Variants in TMEM9 observed in about 807,000 individuals in gnomAD.
TMEM9 encodes the protein transmembrane protein 9.
A neutral mutation model predicts 22.8 loss-of-function variants in TMEM9; 13 were observed. The ratio of observed to expected loss-of-function variants is 0.57; its 90% CI spans 0.37 to 0.91. TMEM9 has a LOEUF of 0.91. TMEM9 is among the 40% of genes least tolerant of loss of function. The pLI, the probability that TMEM9 is intolerant of heterozygous loss-of-function variation, is 0.01. For synonymous variants in TMEM9, 88 were observed against 93.0 expected (o/e 0.95, Z 0.31); for missense variants, 182 against 238.1 (o/e 0.76, Z 1.55).
intron 1 of TMEM9, among the ~76,000 whole-genome samples, chr1:201,171,254 G>T (rs866716521): frequency 6.6e-6 from 1 of 152,248 alleles, no homozygotes; most frequent in African/African-American, 2.4e-5. Context: ...CCTGCCGGAC[G>T]GCGGGCTAAA....
chr1:201,168,610 T>C (rs187225363), intron 1 of TMEM9, among the ~76,000 whole-genome samples: 1 of 152,270 alleles, frequency 6.6e-6, no homozygotes, highest in African/African-American at 2.4e-5. Flanking sequence ...TCCCAGCTAC[T>C]CAGGAGGCTG....
intron 2 of TMEM9, 147 bp from the exon 3 acceptor site, chr1:201,146,995 G>C: frequency 3.0e-6 from 2 of 663,338 alleles, no homozygotes; most frequent in Non-Finnish European, 5.2e-6. Flanking sequence ...GGCTTATAAA[G>C]GATTAGGCTG....
At chr1:201,136,198 C>T (rs1239346574) in intron 4 of TMEM9, among the ~76,000 whole-genome samples, 4 of 152,310 alleles carry the variant, frequency 2.6e-5, no homozygotes, top group East Asian at 3.9e-4. Context: ...TTCTAACTCT[C>T]AAGAAGGATG....
rs890516552 is a variant in TMEM9 at position 201,161,258 on chromosome 1, ACCCCACTATATG to A, written c.-36-7311_-36-7300del. 7.2e-5 allele frequency among the ~76,000 whole-genome samples: 11 copies of A among 152,128 alleles called. No individual in the cohort carries two copies. In the South Asian group the frequency reaches 1.5e-3, roughly 20 times the overall value. On this transcript the variant is annotated intron_variant, in intron 1 of 5. Transcript: ENST00000367333. ...TCACATGTCATCTAACCTTCCGAAA[ACCCCACTATATG>A]CTTGTAGGAGAATGAGTGAAAAAAG...
intron 2 of TMEM9, 157 bp from the exon 3 acceptor site, chr1:201,147,005 G>A (rs1415487389): frequency 3.1e-6 from 2 of 641,190 alleles, no homozygotes; most frequent in South Asian, 1.9e-5. Flanking sequence ...GGATTAGGCT[G>A]GCAGAAACCC....
chr1:201,146,140 G>A (rs559173553), intron 3 of TMEM9, among the ~76,000 whole-genome samples: 160 of 152,328 alleles, frequency 1.1e-3, no homozygotes, highest in Non-Finnish European at 2.0e-3. Flanking sequence ...TCTGCCTGGT[G>A]CAGGAATGAA....
intron 4 of TMEM9, among the ~76,000 whole-genome samples, 157 bp downstream of exon 4, chr1:201,143,663 C>A (rs1664717681): frequency 6.6e-6 from 1 of 152,212 alleles, no homozygotes; most frequent in African/African-American, 2.4e-5. Flanking sequence ...AAGAGCAGGT[C>A]CCTGCTGAGT....
intron 2 of TMEM9, among the ~76,000 whole-genome samples, chr1:201,150,792 G>A (rs1232005422): frequency 1.3e-5 from 2 of 152,156 alleles, no homozygotes; most frequent in Non-Finnish European, 2.9e-5. Context: ...ATCGAGCAGT[G>A]GTGGTGGTAC....
chr1:201,140,489 G>T (rs12022244), intron 4 of TMEM9, among the ~76,000 whole-genome samples: 8 of 152,198 alleles, frequency 5.3e-5, no homozygotes, highest in Non-Finnish European at 1.0e-4. Context: ...CTCTGCCAGC[G>T]CTTTCAAAGG....
At chr1:201,171,178 G>A (rs550970804) in intron 1 of TMEM9, among the ~76,000 whole-genome samples, 1 of 152,244 alleles carries the variant, frequency 6.6e-6, no homozygotes, top group South Asian at 2.1e-4. Flanking sequence ...GATTGCGGGG[G>A]GCGGTGCGGC....
chr1:201,162,705 C>G (rs985063590), intron 1 of TMEM9, among the ~76,000 whole-genome samples: 3 of 151,914 alleles, frequency 2.0e-5, no homozygotes, highest in African/African-American at 7.3e-5. Context: ...ACACCAAAAG[C>G]ACAATCCACA....
rs374243046 is a variant in TMEM9 at position 201,153,839 on chromosome 1, G to A, written c.66+19C>T. 9 of 1,613,908 alleles carry A rather than the reference G, an allele frequency of 5.6e-6. No homozygotes were observed. The highest frequency in any genetic ancestry group is 1.3e-5 in the African/African-American group (1 of 74,916). ...TGCACTGTGGTCGTGACCAGGTGCTGCAGGCTCACCTCCCTCACCTTGTTG... is the reference window on the plus strand; with the variant it reads ...TGCACTGTGGTCGTGACCAGGTGCTACAGGCTCACCTCCCTCACCTTGTTG... On this transcript the variant is annotated intron_variant, in intron 1 of 4. Coordinates refer to ENST00000367330, the MANE Select transcript of TMEM9 (RefSeq NM_001288565.2).
chr1:201,138,511 T>C (rs1317642726), intron 4 of TMEM9, among the ~76,000 whole-genome samples: 1 of 152,162 alleles, frequency 6.6e-6, no homozygotes, highest in Non-Finnish European at 1.5e-5. Flanking sequence ...CCCCTCTCCC[T>C]CTGAGGCTGG....
At chr1:201,169,165 G>A (rs1666153404) in intron 1 of TMEM9, among the ~76,000 whole-genome samples, 1 of 151,896 alleles carries the variant, frequency 6.6e-6, no homozygotes, top group Admixed American at 6.6e-5. Context: ...TTGGGGAGGA[G>A]GGTACAGGAG....
At chr1:201,169,067 A>G (rs1666151164) in intron 1 of TMEM9, among the ~76,000 whole-genome samples, 1 of 151,372 alleles carries the variant, frequency 6.6e-6, no homozygotes, top group African/African-American at 2.4e-5. Context: ...TAGAATGCAC[A>G]CATTTGTGTA....
intron 3 of TMEM9, chr1:201,146,508 G>T: frequency 1.6e-6 from 1 of 625,914 alleles, no homozygotes; most frequent in South Asian, 1.8e-5. Context: ...GCTCTCCCAG[G>T]GCTCTCCCCT....
At chr1:201,146,553 A>C in intron 3 of TMEM9, 187 bp downstream of exon 3, 1 of 695,136 alleles carries the variant, frequency 1.4e-6, no homozygotes, top group South Asian at 1.5e-5. Flanking sequence ...AAGAGAGCAG[A>C]GAAGGGAGCT....
intron 2 of TMEM9, among the ~76,000 whole-genome samples, chr1:201,147,681 T>C (rs1572118351): frequency 6.6e-6 from 1 of 152,168 alleles, no homozygotes; most frequent in African/African-American, 2.4e-5. Flanking sequence ...TTCCCCAGCT[T>C]AGGCCCGGTC....
rs558721295 is a variant in TMEM9, at chr1:201,140,336, A to G, written c.399+3484T>C. On this transcript the variant is annotated intron_variant, in intron 4 of 4. Transcript: ENST00000367330. The stretch of plus-strand genomic sequence containing the variant: ...TCTTCAAAGAGGGCCCAACCTGCAC[A>G]TCTAAAACAGCTCTGTTTGCCGTTT... Among the ~76,000 whole-genome samples, 27 of 152,312 alleles carry G rather than the reference A, an allele frequency of 1.8e-4. No homozygotes were observed. The South Asian group carries it at 5.4e-3, about 30-fold the overall frequency.
Sources: allele counts gnomAD v4.1 joint callset (sites outside exome capture counted in the v4.1 genomes callset), GRCh38; gene constraint gnomAD v4.1.1; transcripts MANE v1.5; gene names NCBI Gene and HGNC (gene_info 2026-07-23, HGNC 2026-07-21).